Variants in TCF3 observed in about 807,000 individuals in gnomAD.
TCF3 encodes the protein transcription factor E2-alpha.
TCF3 carries 54 observed loss-of-function variants against 72.3 expected under a neutral mutation model. The ratio of observed to expected loss-of-function variants is 0.75; its 90% CI spans 0.60 to 0.94. The LOEUF is 0.94. Ranked by LOEUF, TCF3 falls within the 40% of genes least tolerant of loss-of-function variation. The probability of loss-of-function intolerance (pLI) is 0.00; values close to 1 mark genes in which losing one functional copy is unlikely to be tolerated. For synonymous variants in TCF3, 525 were observed against 412.6 expected, an observed-to-expected ratio of 1.27 and a Z score of -3.30; for missense variants, 1,078 against 934.4, an observed-to-expected ratio of 1.15 and a Z score of -2.00.
chr19:1,616,969 A>C (rs1056949716), intron 16 of TCF3, among the ~76,000 whole-genome samples: 4 of 152,226 alleles, frequency 2.6e-5, no homozygotes, highest in Non-Finnish European at 5.9e-5. Context: ...TCAGTAGAAA[A>C]ATAAGCAAGG....
At position 1,652,606 on chromosome 19, in the gene TCF3, G is replaced by C. The variant is rs1343949174; in HGVS notation, c.-346C>G. ...GCTGCCTCATCTTCCTGCGGCGGGAGACATGTTCCGCCCCCCGCCCGCGCC... is the reference window on the plus strand; with the variant it reads ...GCTGCCTCATCTTCCTGCGGCGGGACACATGTTCCGCCCCCCGCCCGCGCC... On this transcript the variant is annotated 5_prime_UTR_variant, in exon 1 of 19. Transcript: ENST00000262965. 1 of 147,656 alleles carries C rather than the reference G, an allele frequency of 6.8e-6. No individual in the cohort carries two copies. Among genetic ancestry groups the C allele is most frequent in the Non-Finnish European group, 1.5e-5 (1 of 66,114 alleles). The allele number at this position is 147,656 out of a possible 1,614,324, so 9.1% of individuals were successfully genotyped here. A position where few individuals can be genotyped will look rare whatever the true frequency, so the allele number is the denominator to read the frequency against.
chr19:1,636,167 T>C (rs1416273778), intron 3 of TCF3, among the ~76,000 whole-genome samples: 10 of 152,124 alleles, frequency 6.6e-5, no homozygotes, highest in Non-Finnish European at 1.0e-4. Flanking sequence ...AAAAAATTTT[T>C]TTTTTCTTTT....
intron 7 of TCF3, among the ~76,000 whole-genome samples, 198 bp from the exon 8 acceptor site, chr19:1,624,198 C>A (rs963635494): frequency 2.0e-5 from 3 of 152,182 alleles, no homozygotes; most frequent in African/African-American, 7.2e-5. Flanking sequence ...GAGATCAAGA[C>A]CATCCTGGCC....
Position 1,632,102 on chromosome 19 carries a change from G to A in TCF3, c.234C>T (p.Gly78=), listed in dbSNP as rs2063781286. ...TGCTGTGCGACTCAGTGAAGTGGGT[G>A]CCCTCGCTGAAGGTCTAGGGGAGAT... ...SFDPSRTFSE[G]THFTESHSSL... The change falls in exon 5 of 19, where the codon GGC becomes GGT. Residue 78 remains glycine, a synonymous_variant. Transcript: ENST00000262965. 2 of 1,613,220 alleles carry A rather than the reference G, an allele frequency of 1.2e-6. No individual in the cohort carries two copies. Among genetic ancestry groups the A allele is most frequent in the Non-Finnish European group, 8.5e-7 (1 of 1,179,734 alleles).
chr19:1,620,521 C>T (rs570008700), intron 13 of TCF3, among the ~76,000 whole-genome samples: 21 of 152,220 alleles, frequency 1.4e-4, no homozygotes, highest in South Asian at 6.2e-4. Flanking sequence ...ACAGCCCTGG[C>T]GATGCTGGCC....
rs2277754 is a variant in TCF3 at position 1,619,333 on chromosome 19, C to A, written c.1309G>T (p.Gly437Trp). ...SGFTGPMSLG[G>W]RHAGLVGGSH... ...GCGCTCACCAGGCCTGCGTGCCGCCCGCCCAGTGACATGGGGCCGGTGAAA... is the reference window on the plus strand; with the variant it reads ...GCGCTCACCAGGCCTGCGTGCCGCCAGCCCAGTGACATGGGGCCGGTGAAA... Residue 437 changes from glycine (G) to tryptophan (W), a missense_variant, in exon 15 of 19, where the codon GGG becomes TGG. By Grantham distance (184) the Gly-to-Trp change is radical. Transcript: ENST00000262965. The A allele has an allele frequency of 6.3e-7, 1 of 1,578,198 alleles. No homozygotes were observed. Among genetic ancestry groups the A allele is most frequent in the East Asian group, 2.3e-5 (1 of 43,856 alleles).
chr19:1,634,887 G>C (rs2064188601), intron 3 of TCF3, among the ~76,000 whole-genome samples: 1 of 152,192 alleles, frequency 6.6e-6, no homozygotes. Flanking sequence ...CAGTAGAGTT[G>C]AATCAATTCC....
At chr19:1,613,415 C>G (rs1319242405) in intron 18 of TCF3, among the ~76,000 whole-genome samples, 15 of 152,142 alleles carry the variant, frequency 9.9e-5, no homozygotes, top group Non-Finnish European at 1.5e-5. Context: ...CACAGGGTAA[C>G]TGCTTCTCCC....
chr19:1,651,557 C>T (rs1209826780), intron 1 of TCF3, among the ~76,000 whole-genome samples: 2 of 152,198 alleles, frequency 1.3e-5, no homozygotes, highest in East Asian at 3.8e-4. Context: ...TCTACGGGAG[C>T]TGGAAGACTT....
At chr19:1,619,933 G>A (rs2061987037) in intron 13 of TCF3, 80 bp from the exon 14 acceptor site, 37 of 1,232,182 alleles carry the variant, frequency 3.0e-5, no homozygotes, top group Non-Finnish European at 3.9e-5. Flanking sequence ...AGGGATTCAT[G>A]AACCACCCCG....
intron 7 of TCF3, among the ~76,000 whole-genome samples, chr19:1,624,980 G>A (rs1367579081): frequency 6.6e-6 from 1 of 152,172 alleles, no homozygotes; most frequent in Admixed American, 6.5e-5. Flanking sequence ...TGAGTAGCTG[G>A]GACCACAGGT....
In TCF3 at chr19:1,652,295, C is replaced by G. The variant is rs1362682755; in HGVS notation, c.-40+5G>C. The stretch of plus-strand genomic sequence containing the variant: ...GGCGCGCCCCCCGCCCCCCGCCGGG[C>G]TCACCTGCTGGGCGCGGCCGGGCAC... On this transcript the variant is annotated splice_donor_5th_base_variant and intron_variant, in intron 1 of 18. Transcript: ENST00000262965. 1 of 145,592 alleles carries G rather than the reference C, an allele frequency of 6.9e-6. No homozygotes were observed. Among genetic ancestry groups the G allele is most frequent in the Admixed American group, 6.8e-5 (1 of 14,808 alleles). 9.0% of individuals were successfully genotyped at this position (145,592 alleles called of 1,614,324 possible).
In TCF3 at chr19:1,611,694, G is replaced by C. The variant is rs564430460; in HGVS notation, c.*13C>G. The C allele has an allele frequency of 1.2e-6, 2 of 1,609,136 alleles. No homozygotes were observed. Among genetic ancestry groups the C allele is most frequent in the South Asian group, 1.1e-5 (1 of 90,714 alleles). ...GCTGAAAGCGGGTGGCTCGTCCCAC[G>C]GAGGCATACCTTTCACATGTGCCCG... On this transcript the variant is annotated 3_prime_UTR_variant, in exon 19 of 19. Coordinates refer to ENST00000262965, the MANE Select transcript of TCF3 (RefSeq NM_003200.5).
chr19:1,638,362 T>G (rs957046340), intron 3 of TCF3, among the ~76,000 whole-genome samples: 4 of 152,160 alleles, frequency 2.6e-5, no homozygotes, highest in Non-Finnish European at 5.9e-5. Context: ...TACAATGTTT[T>G]TTTGTTTTTT....
intron 3 of TCF3, among the ~76,000 whole-genome samples, chr19:1,644,566 G>T (rs937087602): frequency 2.0e-5 from 3 of 152,228 alleles, no homozygotes; most frequent in African/African-American, 7.2e-5. Flanking sequence ...CAGCATTGGG[G>T]CAGGGCCGGA....
intron 2 of TCF3, among the ~76,000 whole-genome samples, chr19:1,649,763 G>A (rs2145763989): frequency 6.6e-6 from 1 of 152,144 alleles, no homozygotes; most frequent in East Asian, 1.9e-4. Context: ...GGGTCTCACT[G>A]TCAACCAGAC....
intron 3 of TCF3, among the ~76,000 whole-genome samples, chr19:1,636,290 G>C (rs2064396892): frequency 6.6e-6 from 1 of 152,064 alleles, no homozygotes; most frequent in Non-Finnish European, 1.5e-5. Context: ...CTCCCACGTA[G>C]CTGGGACTAC....
At chr19:1,649,742 C>G (rs1234331762) in intron 2 of TCF3, among the ~76,000 whole-genome samples, 4 of 152,106 alleles carry the variant, frequency 2.6e-5, no homozygotes, top group Non-Finnish European at 5.9e-5. Flanking sequence ...TTTACTGAAA[C>G]AGGGTCTCCA....
intron 2 of TCF3, among the ~76,000 whole-genome samples, chr19:1,648,989 T>TA (rs2066580399): frequency 6.6e-6 from 1 of 152,192 alleles, no homozygotes; most frequent in African/African-American, 2.4e-5. Flanking sequence ...CCCAGGGGGC[T>TA]CCGGCATTCC....
Sources: allele counts gnomAD v4.1 joint callset (sites outside exome capture counted in the v4.1 genomes callset), GRCh38; gene constraint gnomAD v4.1.1; transcripts MANE v1.5; gene names NCBI Gene and HGNC (gene_info 2026-07-23, HGNC 2026-07-21).